TRMT2B: variants seen among roughly 807,000 people sequenced by gnomAD.
TRMT2B encodes tRNA (uracil-5-)-methyltransferase homolog B.
A neutral mutation model predicts 39.7 loss-of-function variants in TRMT2B; 34 were observed. The ratio of observed to expected loss-of-function variants is 0.86; its 90% CI spans 0.65 to 1.14. The LOEUF (loss-of-function observed/expected upper bound fraction) is 1.14, where lower values mean the gene tolerates loss of function less well. Among genes scored for constraint, TRMT2B ranks in the 50% most tolerant of loss-of-function variants. The pLI, the probability that TRMT2B is intolerant of heterozygous loss-of-function variation, is 0.00. For missense variants in TRMT2B, 318 were observed against 377.2 expected, an observed-to-expected ratio of 0.84 and a Z score of 1.30; for synonymous variants, 132 against 137.3, an observed-to-expected ratio of 0.96 and a Z score of 0.27.
chrX:100,988,436 A>C, the TRMT2B span: 15 of 1,198,375 alleles, frequency 1.3e-5, no homozygotes, highest in Non-Finnish European at 1.6e-5. Flanking sequence ...GCTTTAGATG[A>C]ACCCATGAAA....
At chrX:101,030,976 ATTTT>A (rs761961934) in intron 7 of TRMT2B, among the ~76,000 whole-genome samples, 1 of 102,081 alleles carries the variant, frequency 9.8e-6, no homozygotes, top group Non-Finnish European at 2.0e-5. Flanking sequence ...AAGCCTCACT[ATTTT>A]TTTTTTTTTG....
At chrX:101,006,050 G>A (rs373440917), downstream of TRMT2B, among the ~76,000 whole-genome samples, 3 of 109,288 alleles carry the variant, frequency 2.7e-5, no homozygotes, top group Admixed American at 9.9e-5. Context: ...GTGAAACCCC[G>A]TCTCTACTAA....
the TRMT2B span, among the ~76,000 whole-genome samples, chrX:100,973,464 C>T: frequency 4.6e-5 from 5 of 108,653 alleles, no homozygotes; most frequent in Non-Finnish European, 5.7e-5. Context: ...GAGACAGCTC[C>T]GCTGCCCGCT....
downstream of TRMT2B, among the ~76,000 whole-genome samples, chrX:101,005,571 G>A (rs2086094071): frequency 3.1e-5 from 2 of 65,301 alleles, no homozygotes; most frequent in African/African-American, 1.8e-4. Context: ...TAATTCAGCT[G>A]CCTTTTTTTT....
intron 2 of TRMT2B, chrX:101,043,745 G>C (rs1448633564): frequency 8.9e-6 from 1 of 111,878 alleles, no homozygotes; most frequent in African/African-American, 3.2e-5. Context: ...AGATGAATTA[G>C]ATGTTTGAAG....
chrX:100,994,810 A>C, the TRMT2B span, among the ~76,000 whole-genome samples: 1 of 111,004 alleles, frequency 9.0e-6, no homozygotes, highest in Non-Finnish European at 1.9e-5. Flanking sequence ...TTGCTCTATC[A>C]CCCAGATTGT....
At position 101,020,602 on chromosome X, in the gene TRMT2B, C is replaced by G; in HGVS notation, c.1067-14G>C. The G allele has an allele frequency of 8.7e-7, 1 of 1,145,236 alleles. No individual in the cohort carries two copies. Among genetic ancestry groups the G allele is most frequent in the Non-Finnish European group, 1.2e-6 (1 of 836,064 alleles). 94.4% of individuals were successfully genotyped at this position (1,145,236 alleles called of 1,213,427 possible). A position where few individuals can be genotyped will look rare whatever the true frequency, so the allele number is the denominator to read the frequency against. On this transcript the variant is annotated splice_polypyrimidine_tract_variant and intron_variant, in intron 10 of 13. Coordinates refer to ENST00000372936, the MANE Select transcript of TRMT2B (RefSeq NM_024917.6). ...GGCCAATCACACCTGAAGAAGTAAACGAGAAGAAGAAGAAGGCATTTTAGG... is the reference window on the plus strand; with the variant it reads ...GGCCAATCACACCTGAAGAAGTAAAGGAGAAGAAGAAGAAGGCATTTTAGG...
chrX:100,981,028 G>A, the TRMT2B span, among the ~76,000 whole-genome samples: 60 of 111,792 alleles, frequency 5.4e-4, 1 homozygote, highest in Admixed American at 9.4e-4. Flanking sequence ...TGTGCTGCCC[G>A]GCACTGGTGG....
At chrX:100,996,135 T>C in the TRMT2B span, among the ~76,000 whole-genome samples, 1 of 109,306 alleles carries the variant, frequency 9.1e-6, no homozygotes, top group Admixed American at 9.7e-5. Context: ...TGGATGGAAC[T>C]AGAGGTCATT....
In TRMT2B at chrX:101,037,028, G is replaced by C. The variant is rs141694732; in HGVS notation, c.484C>G (p.Arg162Gly). The C allele has an allele frequency of 3.9e-5, 47 of 1,209,510 alleles. No individual in the cohort carries two copies. The highest frequency in any genetic ancestry group is 2.3e-4 in the Middle Eastern group (1 of 4,375). ...YRNKSTFSVN[R>G]GPDGNPKTVG... The stretch of plus-strand genomic sequence containing the variant: ...GTCTTTGGATTGCCATCTGGACCTC[G>C]GTTCACAGAGAAGGTGGACTTATTT... Residue 162 changes from arginine (R) to glycine (G), a missense_variant, in exon 6 of 14, where the codon CGA (arginine) becomes GGA (glycine). Transcript: ENST00000372936.
At position 101,042,232 on chromosome X, in the gene TRMT2B, C is replaced by T; in HGVS notation, c.58G>A (p.Val20Met). 8.3e-7 allele frequency: 1 copy of T among 1,211,943 alleles called. No individual in the cohort carries two copies. ...LHSLRYFISM[V>M]GLFSKPGLLP... Reference sequence around the variant, plus strand: ...AGTCCTGGTTTGGAGAAGAGACCCACCATGGAGATGAAGTATCTGAGGCTG... The same window carrying T: ...AGTCCTGGTTTGGAGAAGAGACCCATCATGGAGATGAAGTATCTGAGGCTG... The change falls in exon 3 of 14, where the codon GTG becomes ATG. Residue 20 changes from valine (V) to methionine (M), a missense_variant. Physicochemically the swap from Val to Met is conservative, Grantham distance 21. Transcript: ENST00000372936.
chrX:101,035,806 C>T, intron 6 of TRMT2B, 123 bp from the exon 7 acceptor site: 1 of 519,895 alleles, frequency 1.9e-6, no homozygotes, highest in South Asian at 3.1e-5. Context: ...CAAATACAAT[C>T]TCATGGCCAC....
the TRMT2B span, chrX:100,988,472 G>C: frequency 6.7e-6 from 8 of 1,192,532 alleles, no homozygotes; most frequent in Non-Finnish European, 9.0e-6. Context: ...AGGAGAATGA[G>C]AGCTCAGAAT....
chrX:101,028,862 C>G (rs11795418), intron 7 of TRMT2B, among the ~76,000 whole-genome samples: 37,535 of 109,502 alleles, frequency 0.34, 5,126 homozygotes, highest in African/African-American at 0.48. Context: ...TGTTTGTTAA[C>G]TGTGTGGCAC....
Position 101,051,641 on chromosome X carries a change from G to A in TRMT2B, c.-414C>T, listed in dbSNP as rs1033978034. 2.0e-5 allele frequency: 15 copies of A among 753,560 alleles called. No homozygotes were observed. The highest frequency in any genetic ancestry group is 8.7e-5 in the Admixed American group (1 of 11,523). 62.1% of individuals were successfully genotyped at this position (753,560 alleles called of 1,213,427 possible). On this transcript the variant is annotated 5_prime_UTR_variant, in exon 2 of 14. Transcript: ENST00000372936. ...CACAGGCCCACGCTGGGCCGTACAC[G>A]ACCTTGCGCAGTCACCGTCGGGTCC...
intron 13 of TRMT2B, among the ~76,000 whole-genome samples, chrX:101,011,824 A>G (rs928876376): frequency 9.0e-6 from 1 of 111,275 alleles, no homozygotes; most frequent in Non-Finnish European, 1.9e-5. Flanking sequence ...AGCCCAGGAG[A>G]TAAAGGTTGC....
chrX:100,985,724 A>G, the TRMT2B span: 1 of 1,211,011 alleles, frequency 8.3e-7, no homozygotes, highest in Non-Finnish European at 1.1e-6. Context: ...CTTTTGTTAG[A>G]TGAGTATGAA....
intron 7 of TRMT2B, among the ~76,000 whole-genome samples, chrX:101,030,520 G>A (rs1433868674): frequency 9.1e-5 from 9 of 98,698 alleles, no homozygotes; most frequent in Non-Finnish European, 1.6e-4. Context: ...GCGCGAACTC[G>A]GCTCATTGCA....
Position 101,034,145 on chromosome X carries a change from A to T in TRMT2B, c.609+1468T>A, listed in dbSNP as rs1204155868. Among the ~76,000 whole-genome samples the T allele has an allele frequency of 2.9e-4, 26 of 89,818 alleles. 1 individual carries two copies. The South Asian group carries it at 0.012, about 41-fold the overall frequency. The allele number at this position is 89,818 out of a possible 115,157, so 78.0% of individuals were successfully genotyped here. On this transcript the variant is annotated intron_variant, in intron 7 of 13. Coordinates refer to ENST00000372936, the MANE Select transcript of TRMT2B (RefSeq NM_024917.6). Reference sequence around the variant, plus strand: ...GCGTGAGCCACCGTGCCTGGCCTACATTTTTTTTTTTTTTGAGACATGGTC... The same window carrying T: ...GCGTGAGCCACCGTGCCTGGCCTACTTTTTTTTTTTTTTTGAGACATGGTC...
Sources: allele counts gnomAD v4.1 joint callset (sites outside exome capture counted in the v4.1 genomes callset), GRCh38; gene constraint gnomAD v4.1.1; transcripts MANE v1.5; gene names NCBI Gene and HGNC (gene_info 2026-07-23, HGNC 2026-07-21).